NCALD: variants seen among roughly 807,000 people sequenced by gnomAD.
NCALD encodes neurocalcin-delta.
NCALD carries 10 observed loss-of-function variants against 18.6 expected under a neutral mutation model. The observed-to-expected ratio is 0.54, with a 90% CI of 0.33 to 0.91. The LOEUF (loss-of-function observed/expected upper bound fraction) is 0.91, where lower values mean the gene tolerates loss of function less well. Ranked by LOEUF, NCALD falls within the 40% of genes least tolerant of loss-of-function variation. The probability of loss-of-function intolerance (pLI) is 0.03; values close to 1 mark genes in which losing one functional copy is unlikely to be tolerated. For missense variants in NCALD, 184 were observed against 247.6 expected (o/e 0.74, Z 1.72); for synonymous variants, 88 against 87.4 (o/e 1.01, Z -0.04).
intron 2 of NCALD, among the ~76,000 whole-genome samples, chr8:101,694,639 C>T (rs2130012888): frequency 6.6e-6 from 1 of 152,224 alleles, no homozygotes; most frequent in Middle Eastern, 3.4e-3. Flanking sequence ...CTGGGGTAAG[C>T]TGAGCCATTT....
At chr8:101,860,750 G>A (rs73696529) in intron 4 of NCALD, among the ~76,000 whole-genome samples, 9 of 152,166 alleles carry the variant, frequency 5.9e-5, no homozygotes, top group African/African-American at 1.9e-4. Flanking sequence ...GGAGAGCTGC[G>A]GAATGGGGGA....
At chr8:101,807,290 T>C (rs1209158752) in intron 4 of NCALD, among the ~76,000 whole-genome samples, 3 of 152,102 alleles carry the variant, frequency 2.0e-5, no homozygotes, top group Non-Finnish European at 1.5e-5. Context: ...AAAAAAGCAA[T>C]TGTATAAAAC....
intron 4 of NCALD, among the ~76,000 whole-genome samples, chr8:101,811,136 G>C (rs555759894): frequency 6.6e-6 from 1 of 152,182 alleles, no homozygotes; most frequent in East Asian, 1.9e-4. Context: ...CTAATCCCTG[G>C]AACCTGTGAG....
chr8:101,867,224 T>C (rs1815808406), intron 4 of NCALD, among the ~76,000 whole-genome samples: 1 of 152,214 alleles, frequency 6.6e-6, no homozygotes, highest in South Asian at 2.1e-4. Flanking sequence ...CCATTCTATC[T>C]AAAATTTCAA....
At chr8:101,738,333 C>T (rs1214378143) in intron 1 of NCALD, among the ~76,000 whole-genome samples, 1 of 152,068 alleles carries the variant, frequency 6.6e-6, no homozygotes, top group Non-Finnish European at 1.5e-5. Flanking sequence ...CACCTGAGGT[C>T]AAGAGTTCGA....
At chr8:102,051,647 T>G (rs530424046) in intron 1 of NCALD, among the ~76,000 whole-genome samples, 3 of 152,374 alleles carry the variant, frequency 2.0e-5, no homozygotes, top group African/African-American at 7.2e-5. Context: ...TTCTGCTAAT[T>G]CAACTGCTGC....
At chr8:101,996,456 C>T (rs1355110494) in intron 2 of NCALD, among the ~76,000 whole-genome samples, 5 of 152,278 alleles carry the variant, frequency 3.3e-5, no homozygotes, top group Middle Eastern at 3.4e-3. Flanking sequence ...CCTACAGCAC[C>T]GAGCATTGGA....
intron 2 of NCALD, among the ~76,000 whole-genome samples, chr8:101,706,887 T>A (rs1815552224): frequency 1.8e-5 from 1 of 54,836 alleles, no homozygotes; most frequent in South Asian, 5.8e-4. Context: ...ATAAGATAAA[T>A]CCCCTGATAA....
intron 1 of NCALD, among the ~76,000 whole-genome samples, chr8:101,786,765 A>G (rs1289566467): frequency 1.3e-5 from 2 of 152,232 alleles, no homozygotes; most frequent in Non-Finnish European, 2.9e-5. Context: ...CCTCCCATGA[A>G]GACAGGCAAC....
intron 1 of NCALD, among the ~76,000 whole-genome samples, chr8:102,093,184 T>C (rs1824981906): frequency 6.6e-6 from 1 of 152,118 alleles, no homozygotes; most frequent in Admixed American, 6.6e-5. Flanking sequence ...AAGTCACCAT[T>C]TGTTGTATAA....
chr8:101,894,572 G>A (rs1464202660), intron 3 of NCALD, among the ~76,000 whole-genome samples: 6 of 143,936 alleles, frequency 4.2e-5, no homozygotes, highest in Admixed American at 2.0e-4. Context: ...AGGAATCCAG[G>A]AACTGGTTTT....
At chr8:102,060,232 T>C (rs1055835326) in intron 1 of NCALD, among the ~76,000 whole-genome samples, 2 of 77,988 alleles carry the variant, frequency 2.6e-5, no homozygotes, top group East Asian at 2.2e-4. Context: ...CTGCCCGCCT[T>C]GGCCTCCCAA....
At chr8:101,885,243 G>A (rs1056522821) in intron 4 of NCALD, among the ~76,000 whole-genome samples, 2 of 152,166 alleles carry the variant, frequency 1.3e-5, no homozygotes, top group South Asian at 2.1e-4. Context: ...TATAAACCTA[G>A]AGTCTATTCA....
In NCALD at chr8:102,081,176, C is replaced by T. The variant is rs958947757; in HGVS notation, c.-210+43061G>A. Among the ~76,000 whole-genome samples the T allele has an allele frequency of 5.3e-5, 8 of 152,198 alleles. No homozygotes were observed. In the East Asian group the frequency reaches 1.2e-3, roughly 22 times the overall value. On this transcript the variant is annotated intron_variant, in intron 1 of 6. Coordinates refer to the NCALD transcript ENST00000311028. ...TTTATGACCCTTTCTGTTGGTGGCT[C>T]TTCTCTTATTGTGAAAAACAAAAAC...
intron 1 of NCALD, among the ~76,000 whole-genome samples, chr8:102,076,877 T>C (rs17415778): frequency 0.063 from 9,532 of 152,322 alleles, 427 homozygotes; most frequent in Non-Finnish European, 0.092. Context: ...GGTAGACTTA[T>C]ACAATTGCCT....
chr8:101,864,706 T>G (rs1291395097), intron 4 of NCALD, among the ~76,000 whole-genome samples: 21 of 152,012 alleles, frequency 1.4e-4, no homozygotes, highest in Admixed American at 1.4e-3. Context: ...GCGATTCTTC[T>G]GTCTCAGCCT....
intron 4 of NCALD, among the ~76,000 whole-genome samples, chr8:101,833,610 G>GTTTTTTTTTTTTTTTTTT (rs555031298): frequency 3.4e-5 from 3 of 88,468 alleles, no homozygotes; most frequent in Non-Finnish European, 6.5e-5. Context: ...TTTGTTTCTT[G>GTTTTTTTTTTTTTTTTTT]TTTTTTTTTT....
intron 2 of NCALD, among the ~76,000 whole-genome samples, chr8:101,981,464 T>C (rs1056144016): frequency 1.2e-4 from 18 of 152,206 alleles, no homozygotes; most frequent in African/African-American, 4.1e-4. Flanking sequence ...TTTCTTTCCA[T>C]CACAAAATAA....
intron 4 of NCALD, among the ~76,000 whole-genome samples, chr8:101,885,891 G>C (rs1816658220): frequency 6.6e-6 from 1 of 152,136 alleles, no homozygotes; most frequent in Non-Finnish European, 1.5e-5. Flanking sequence ...ATGTCAGAAA[G>C]AGCCAAGGAA....
Sources: gnomAD v4.1 joint callset for allele counts (sites outside exome capture counted in the v4.1 genomes callset) on GRCh38, gnomAD v4.1.1 for gene constraint, MANE v1.5 for transcripts, NCBI Gene and HGNC (gene_info 2026-07-23, HGNC 2026-07-21) for gene names.